The following ZG16 variants were observed in gnomAD, a reference collection of about 807,000 sequenced individuals.
ZG16 encodes zymogen granule membrane protein 16.
In ZG16, 9 loss-of-function variants were observed where a neutral mutation model predicts 15.6. The observed-to-expected ratio is 0.58, with a 90% CI of 0.35 to 1.00. The LOEUF (loss-of-function observed/expected upper bound fraction) is 1.00, where lower values mean the gene tolerates loss of function less well. Ranked by LOEUF, ZG16 falls within the 50% of genes least tolerant of loss-of-function variation. ZG16 has a pLI of 0.02. For synonymous variants in ZG16, 89 were observed against 87.4 expected (o/e 1.02, Z -0.10); for missense variants, 174 against 214.8 (o/e 0.81, Z 1.19).
chr16:29,780,506 T>C lies in ZG16; in HGVS notation c.*87T>C, dbSNP rs1898613312. ...CATCCAAATGGCTCAATAAAAAAAA[T>C]ATGGTTAAGGCTAGTCTGTGTGGGG... On this transcript the variant is annotated 3_prime_UTR_variant, in exon 4 of 4. Coordinates refer to ENST00000400752, the MANE Select transcript of ZG16 (RefSeq NM_152338.4). The C allele has an allele frequency of 9.2e-7, 1 of 1,081,594 alleles. No individual in the cohort carries two copies. The highest frequency in any genetic ancestry group is 1.3e-6 in the Non-Finnish European group (1 of 772,584). The allele number at this position is 1,081,594 out of a possible 1,614,324, so 67.0% of individuals were successfully genotyped here.
intron 3 of ZG16, 96 bp downstream of exon 3, chr16:29,779,733 C>T: frequency 2.1e-6 from 3 of 1,412,342 alleles, no homozygotes; most frequent in Non-Finnish European, 2.9e-6. Context: ...GCCAGGAGTT[C>T]TAGCTCAGCC....
chr16:29,781,370 G>C lies in ZG16; in HGVS notation c.*951G>C, dbSNP rs534198945. ...AAAGAGGCTGGAGATTCTGAAAAGA[G>C]ATCACTGGTGAGGTCTCAAAAGAGA... On this transcript the variant is annotated 3_prime_UTR_variant, in exon 4 of 4. Coordinates refer to ENST00000400752, the MANE Select transcript of ZG16 (RefSeq NM_152338.4). 15 of 152,366 alleles carry C rather than the reference G, an allele frequency of 9.8e-5. No individual in the cohort carries two copies. In the East Asian group the frequency reaches 2.9e-3, roughly 29 times the overall value. 9.4% of individuals were successfully genotyped at this position (152,366 alleles called of 1,614,324 possible).
In ZG16 at chr16:29,781,558, C is replaced by T. The variant is rs1444440603; in HGVS notation, c.*1139C>T. The T allele has an allele frequency of 6.6e-6, 1 of 152,200 alleles. No individual in the cohort carries two copies. Among genetic ancestry groups the T allele is most frequent in the African/African-American group, 2.4e-5 (1 of 41,426 alleles). 9.4% of individuals were successfully genotyped at this position (152,200 alleles called of 1,614,324 possible). On this transcript the variant is annotated 3_prime_UTR_variant, in exon 4 of 4. Transcript: ENST00000400752. ...CTTTGGGAGGCCAAGGCAGGCAGAT[C>T]ATTTGAGGTCAGGAGTTGGAGACAA...
rs575781495 is a variant in ZG16, at chr16:29,780,439, G to A, written c.*20G>A. On this transcript the variant is annotated 3_prime_UTR_variant, in exon 4 of 4. Transcript: ENST00000400752. ...TGCTGAGCCTCCTCTCCTTGGCAGG[G>A]GCACTGTGATGAGGAGTAAGAACTC... 5.3e-6 allele frequency: 8 copies of A among 1,513,524 alleles called. No homozygotes were observed. The highest frequency in any genetic ancestry group is 7.1e-6 in the Non-Finnish European group (8 of 1,132,478). The allele number at this position is 1,513,524 out of a possible 1,614,324, so 93.8% of individuals were successfully genotyped here. A position where few individuals can be genotyped will look rare whatever the true frequency, so the allele number is the denominator to read the frequency against.
chr16:29,779,831 C>T (rs887308466), intron 3 of ZG16, among the ~76,000 whole-genome samples, 194 bp downstream of exon 3: 1 of 152,068 alleles, frequency 6.6e-6, no homozygotes, highest in Non-Finnish European at 1.5e-5. Flanking sequence ...AAAAAATTAG[C>T]CAGGCATGGT....
At chr16:29,779,953 G>T in intron 3 of ZG16, 151 bp from the exon 4 acceptor site, 1 of 766,372 alleles carries the variant, frequency 1.3e-6, no homozygotes, top group Admixed American at 2.9e-5. Flanking sequence ...TCCAGCCTGG[G>T]TGACAGAGTC....
At chr16:29,778,911 T>A (rs555722551) in intron 1 of ZG16, among the ~76,000 whole-genome samples, 1 of 152,232 alleles carries the variant, frequency 6.6e-6, no homozygotes, top group South Asian at 2.1e-4. Context: ...CCAACCCAAA[T>A]GTACCTGGGC....
At chr16:29,780,065 T>C (rs1396201334) in intron 3 of ZG16, 39 bp from the exon 4 acceptor site, 2 of 1,499,438 alleles carry the variant, frequency 1.3e-6, no homozygotes, top group Non-Finnish European at 1.8e-6. Context: ...ATCCCTATCA[T>C]CACCTTTCTT....
chr16:29,778,905 C>A (rs1397083464), intron 1 of ZG16, among the ~76,000 whole-genome samples: 1 of 152,148 alleles, frequency 6.6e-6, no homozygotes, highest in Non-Finnish European at 1.5e-5. Context: ...GCCATACCAA[C>A]CCAAATGTAC....
Position 29,782,524 on chromosome 16 carries a change from C to T in ZG16, c.*2105C>T, listed in dbSNP as rs1392286813. On this transcript the variant is annotated 3_prime_UTR_variant, in exon 4 of 4. Coordinates refer to ENST00000400752, the MANE Select transcript of ZG16 (RefSeq NM_152338.4). ...TGAAGGTCTCAGTGTGTATGCAGGT[C>T]CTGAAAAGTTCAAGTCCCACCTGAA... is the stretch of plus-strand genomic sequence containing the variant. The T allele has an allele frequency of 1.3e-5, 2 of 152,152 alleles. No individual in the cohort carries two copies. The highest frequency in any genetic ancestry group is 3.2e-3 in the Middle Eastern group (1 of 316). 9.4% of individuals were successfully genotyped at this position (152,152 alleles called of 1,614,324 possible).
chr16:29,779,657 T>C lies in ZG16; in HGVS notation c.188+20T>C, dbSNP rs1898600614. 2.6e-6 allele frequency: 4 copies of C among 1,536,518 alleles called. No individual in the cohort carries two copies. The highest frequency in any genetic ancestry group is 3.9e-5 in the Admixed American group (2 of 50,954). On this transcript the variant is annotated intron_variant, in intron 3 of 3. Coordinates refer to ENST00000400752, the MANE Select transcript of ZG16 (RefSeq NM_152338.4). ...CGTAGGGTAAGATTCTTTGAATTCC[T>C]GGCTGGGCGCGGTGGCTCACATCTG...
At chr16:29,779,954 T>C in intron 3 of ZG16, 150 bp from the exon 4 acceptor site, 1 of 767,578 alleles carries the variant, frequency 1.3e-6, no homozygotes, top group East Asian at 2.7e-5. Context: ...CCAGCCTGGG[T>C]GACAGAGTCT....
In ZG16 at chr16:29,781,207, T is replaced by G. The variant is rs1015684358; in HGVS notation, c.*788T>G. 6.6e-6 allele frequency: 1 copy of G among 152,204 alleles called. No individual in the cohort carries two copies. The highest frequency in any genetic ancestry group is 2.1e-4 in the South Asian group (1 of 4,812). 9.4% of individuals were successfully genotyped at this position (152,204 alleles called of 1,614,324 possible). On this transcript the variant is annotated 3_prime_UTR_variant, in exon 4 of 4. Coordinates refer to ENST00000400752, the MANE Select transcript of ZG16 (RefSeq NM_152338.4). ...GACACAGGCAGCAAGAATCGAGTGT[T>G]TCAAGAAGTTTGGCTGTGGTTTGCC...
rs1259116814 is a variant in ZG16 at position 29,779,572 on chromosome 16, T to C, written c.123T>C (p.Ser41=). The part of the protein sequence containing the change: ...GGGGGKRFSH[S]GNQLDGPITA... Reference sequence around the variant, plus strand: ...GTGGTGGAAAGCGATTCTCTCATTCTGGCAACCAGTTGGACGGCCCCATCA... The same window carrying C: ...GTGGTGGAAAGCGATTCTCTCATTCCGGCAACCAGTTGGACGGCCCCATCA... Residue 41 remains serine, a synonymous_variant, in exon 3 of 4, where the codon TCT becomes TCC. Transcript: ENST00000400752. The C allele has an allele frequency of 1.3e-5, 20 of 1,537,242 alleles. No homozygotes were observed. The highest frequency in any genetic ancestry group is 1.7e-5 in the Non-Finnish European group (19 of 1,146,924).
chr16:29,779,087 G>A (rs1898590607), intron 1 of ZG16, among the ~76,000 whole-genome samples, 173 bp from the exon 2 acceptor site: 1 of 152,202 alleles, frequency 6.6e-6, no homozygotes, highest in Non-Finnish European at 1.5e-5. Flanking sequence ...GCATCAGAGA[G>A]GAACAGGACT....
rs1203562316 is a variant in ZG16, at chr16:29,780,379, T to TG, written c.465dup (p.His156AlafsTer8). The TG allele has an allele frequency of 6.5e-7, 1 of 1,536,316 alleles. No homozygotes were observed. The highest frequency in any genetic ancestry group is 2.4e-5 in the East Asian group (1 of 40,890). ...GGTTCTCTCATCGATGCCATTGGCCTGCACTGGGATGTTTACCCCAGTAGC... is the reference window on the plus strand; with the variant it reads ...GGTTCTCTCATCGATGCCATTGGCCTGGCACTGGGATGTTTACCCCAGTAGC... On this transcript the variant is annotated frameshift_variant, in exon 4 of 4. Coordinates refer to ENST00000400752, the MANE Select transcript of ZG16 (RefSeq NM_152338.4). LOFTEE classifies it high-confidence loss of function.
In ZG16 at chr16:29,780,266, T is replaced by C. The variant is rs1409880114; in HGVS notation, c.351T>C (p.Tyr117=). The C allele has an allele frequency of 1.3e-6, 2 of 1,537,508 alleles. No individual in the cohort carries two copies. Among genetic ancestry groups the C allele is most frequent in the Non-Finnish European group, 8.7e-7 (1 of 1,146,964 alleles). Residue 117 remains tyrosine (Y), a synonymous_variant, in exon 4 of 4, where the codon TAT becomes TAC. Transcript: ENST00000400752. ...KLVFVTDKGR[Y]LSFGKDSGTS... ...TATTTGTGACAGACAAGGGCCGCTATCTGTCTTTTGGGAAAGACAGTGGCA... is the reference window on the plus strand; with the variant it reads ...TATTTGTGACAGACAAGGGCCGCTACCTGTCTTTTGGGAAAGACAGTGGCA...
Position 29,779,545 on chromosome 16 carries a change from T to A in ZG16, c.96T>A (p.Gly32=). 1 of 1,536,922 alleles carries A rather than the reference T, an allele frequency of 6.5e-7. No individual in the cohort carries two copies. The highest frequency in any genetic ancestry group is 8.7e-7 in the Non-Finnish European group (1 of 1,146,802). The part of the protein sequence containing the change: ...RSSSYSGEYG[G]GGGKRFSHSG... ...CCTCCTATAGTGGAGAGTATGGAGG[T>A]GGTGGTGGAAAGCGATTCTCTCATT... The change falls in exon 3 of 4, where the codon GGT becomes GGA. Residue 32 remains glycine (G), a synonymous_variant. Coordinates refer to ENST00000400752, the MANE Select transcript of ZG16 (RefSeq NM_152338.4).
chr16:29,779,524 C>T lies in ZG16; in HGVS notation c.75C>T (p.Ser25=), dbSNP rs747735212. 2.0e-6 allele frequency: 3 copies of T among 1,537,204 alleles called. No individual in the cohort carries two copies. In the East Asian group the frequency reaches 7.3e-5, roughly 38 times the overall value. ...CTCCAGTTCAGGCCAGGTCTTCCTCCTATAGTGGAGAGTATGGAGGTGGTG... is the reference window on the plus strand; with the variant it reads ...CTCCAGTTCAGGCCAGGTCTTCCTCTTATAGTGGAGAGTATGGAGGTGGTG... ...SGNAIQARSS[S]YSGEYGGGGG... is the part of the protein sequence containing the mutation. The change falls in exon 3 of 4, where the codon TCC becomes TCT. Residue 25 remains serine (S), a synonymous_variant. Transcript: ENST00000400752.
Sources: allele counts gnomAD v4.1 joint callset (sites outside exome capture counted in the v4.1 genomes callset), GRCh38; gene constraint gnomAD v4.1.1; transcripts MANE v1.5; gene names NCBI Gene and HGNC (gene_info 2026-07-23, HGNC 2026-07-21).